Variants in PCDHA9 observed in about 807,000 individuals in gnomAD.
The protein encoded by PCDHA9 is protocadherin alpha 9, also known as protocadherin alpha-9.
PCDHA9 carries 62 observed loss-of-function variants against 62.0 expected under a neutral mutation model. That is an observed-to-expected ratio of 1.00 (90% CI 0.81 to 1.23). The LOEUF is 1.23. Among genes scored for constraint, PCDHA9 ranks in the 50% most tolerant of loss-of-function variants. PCDHA9 has a pLI of 0.00. For missense variants in PCDHA9, 1,205 were observed against 1,249.8 expected (o/e 0.96, Z 0.54); for synonymous variants, 557 against 567.6 (o/e 0.98, Z 0.27).
intron 1 of PCDHA9, chr5:140,882,064 C>G (rs1277765660): frequency 1.1e-5 from 9 of 831,034 alleles, no homozygotes; most frequent in Non-Finnish European, 1.6e-5. Context: ...CTTACACGTT[C>G]ATGCGCATGG....
intron 1 of PCDHA9, among the ~76,000 whole-genome samples, chr5:140,891,792 G>A (rs2063250974): frequency 6.6e-6 from 1 of 152,152 alleles, no homozygotes; most frequent in Non-Finnish European, 1.5e-5. Flanking sequence ...TAGATTATGA[G>A]GGATCTGCCC....
In PCDHA9 at chr5:141,009,850, C is replaced by A; in HGVS notation, c.2766C>A (p.Thr922=). The A allele has an allele frequency of 1.2e-6, 2 of 1,613,572 alleles. No individual in the cohort carries two copies. Among genetic ancestry groups the A allele is most frequent in the Non-Finnish European group, 1.7e-6 (2 of 1,179,906 alleles). ...DFITFGKKEE[T]KKKKKKKKGN... ...TAACCTTCGGCAAAAAGGAGGAGAC[C>A]AAGAAAAAGAAGAAAAAGAAGAAGG... The change falls in exon 4 of 4, where the codon ACC becomes ACA. Residue 922 remains threonine (T), a synonymous_variant. Coordinates refer to ENST00000532602, the MANE Select transcript of PCDHA9 (RefSeq NM_031857.2).
At chr5:140,928,592 T>A in intron 1 of PCDHA9, 1 of 1,614,178 alleles carries the variant, frequency 6.2e-7, no homozygotes, top group Non-Finnish European at 8.5e-7. Flanking sequence ...TCTGTCCCAG[T>A]GGAAATTGTG....
At chr5:140,889,121 G>A (rs2062113098) in intron 1 of PCDHA9, among the ~76,000 whole-genome samples, 1 of 151,724 alleles carries the variant, frequency 6.6e-6, no homozygotes, top group East Asian at 1.9e-4. Flanking sequence ...AGGTGATACT[G>A]ATATGTCCTA....
At chr5:140,875,723 T>G in intron 1 of PCDHA9, 1 of 1,614,194 alleles carries the variant, frequency 6.2e-7, no homozygotes, top group South Asian at 1.1e-5. Context: ...AATGGCATTT[T>G]GTTTGTGAAT....
chr5:140,948,312 G>A (rs2094238308), intron 1 of PCDHA9, among the ~76,000 whole-genome samples: 1 of 151,400 alleles, frequency 6.6e-6, no homozygotes, highest in African/African-American at 2.4e-5. Context: ...TTCTTCTTGA[G>A]GGGTAATGTT....
intron 1 of PCDHA9, among the ~76,000 whole-genome samples, chr5:140,908,289 G>A (rs1031565997): frequency 2.6e-5 from 4 of 152,184 alleles, no homozygotes; most frequent in Non-Finnish European, 4.4e-5. Flanking sequence ...GTTGCAAGCT[G>A]GGGAAGAGAA....
At chr5:141,000,421 A>ATATTTTTTTTTTT (rs1265241806) in intron 3 of PCDHA9, among the ~76,000 whole-genome samples, 1 of 27,968 alleles carries the variant, frequency 3.6e-5, no homozygotes, top group African/African-American at 1.8e-4. Flanking sequence ...ATATATATAT[A>ATATTTTTTTTTTT]TTTTTTTTTT....
chr5:140,877,288 T>G (rs782747810), intron 1 of PCDHA9: 3 of 1,613,908 alleles, frequency 1.9e-6, no homozygotes, highest in East Asian at 4.5e-5. Flanking sequence ...CTATAACGCT[T>G]GGCTGTCCTA....
At chr5:140,909,353 T>C (rs2074452823) in intron 1 of PCDHA9, among the ~76,000 whole-genome samples, 1 of 152,156 alleles carries the variant, frequency 6.6e-6, no homozygotes, top group Non-Finnish European at 1.5e-5. Flanking sequence ...CCAAGAGATG[T>C]GTTAATTTGT....
chr5:140,921,283 C>T (rs1484079224), intron 1 of PCDHA9, among the ~76,000 whole-genome samples: 2 of 151,974 alleles, frequency 1.3e-5, no homozygotes, highest in Non-Finnish European at 2.9e-5. Flanking sequence ...TTGAAAAAAA[C>T]CTCAAATTTG....
intron 1 of PCDHA9, among the ~76,000 whole-genome samples, chr5:140,947,889 A>G (rs1275614644): frequency 1.3e-5 from 2 of 151,626 alleles, no homozygotes; most frequent in Non-Finnish European, 3.0e-5. Flanking sequence ...CAATATAAAC[A>G]GAAGTGGTGA....
intron 1 of PCDHA9, chr5:140,883,598 G>A: frequency 6.2e-7 from 1 of 1,614,008 alleles, no homozygotes; most frequent in Middle Eastern, 1.7e-4. Context: ...CGTGTCGGTG[G>A]GGGTGGCCGA....
At chr5:140,866,070 T>C (rs1446078370) in intron 1 of PCDHA9, 1 of 152,178 alleles carries the variant, frequency 6.6e-6, no homozygotes, top group Non-Finnish European at 1.5e-5. Flanking sequence ...CACACTGAGA[T>C]AGGTATTTTG....
chr5:140,936,831 A>T lies in PCDHA9; in HGVS notation c.2395-42118A>T, dbSNP rs142448727. 3.1e-3 allele frequency among the ~76,000 whole-genome samples: 478 copies of T among 152,252 alleles called. 2 individuals are homozygous for T. Among genetic ancestry groups the T allele is most frequent in the African/African-American group, 0.011 (455 of 41,554 alleles). Reference sequence around the variant, plus strand: ...GCTATTTTTGGCCCTTTGCATTTCTATATAAATTGTAGATTCAGCTTCTCA... The same window carrying T: ...GCTATTTTTGGCCCTTTGCATTTCTTTATAAATTGTAGATTCAGCTTCTCA... On this transcript the variant is annotated intron_variant, in intron 1 of 3. Transcript: ENST00000532602.
intron 1 of PCDHA9, among the ~76,000 whole-genome samples, chr5:140,888,848 CAG>C (rs1554183676): frequency 6.6e-6 from 1 of 151,980 alleles, no homozygotes; most frequent in African/African-American, 2.4e-5. Context: ...AGCCTGGTGA[CAG>C]AGTGAGACCA....
intron 1 of PCDHA9, among the ~76,000 whole-genome samples, chr5:140,943,274 A>G (rs1179008027): frequency 6.4e-5 from 9 of 141,284 alleles, no homozygotes; most frequent in Non-Finnish European, 1.0e-4. Flanking sequence ...AAAAAAAAAA[A>G]AAAGAAAGAA....
intron 1 of PCDHA9, chr5:140,853,385 A>C (rs2042733783): frequency 3.0e-6 from 3 of 986,050 alleles, no homozygotes; most frequent in Non-Finnish European, 3.7e-6. Flanking sequence ...AATTCAAAAC[A>C]GCCTGTCAAG....
chr5:140,863,527 G>C, intron 1 of PCDHA9: 1 of 392,272 alleles, frequency 2.5e-6, no homozygotes, highest in Non-Finnish European at 5.0e-6. Context: ...CCATGGTTCA[G>C]ATTTTGGAGA....
Sources: allele counts gnomAD v4.1 joint callset (sites outside exome capture counted in the v4.1 genomes callset), GRCh38; gene constraint gnomAD v4.1.1; transcripts MANE v1.5; gene names NCBI Gene and HGNC (gene_info 2026-07-23, HGNC 2026-07-21).